MRPL58: variants seen among roughly 807,000 people sequenced by gnomAD.
MRPL58 encodes the protein large ribosomal subunit protein mL62.
A neutral mutation model predicts 26.0 loss-of-function variants in MRPL58; 17 were observed. The ratio of observed to expected loss-of-function variants is 0.65; its 90% confidence interval spans 0.45 to 0.98. The LOEUF is 0.98. MRPL58 is among the 50% of genes least tolerant of loss of function. The pLI is 0.00. For synonymous variants in MRPL58, 100 were observed against 99.7 expected, an observed-to-expected ratio of 1.00 and a Z score of -0.02; for missense variants, 250 against 269.0, an observed-to-expected ratio of 0.93 and a Z score of 0.49.
chr17:75,021,078 AAGG>A lies in MRPL58; in HGVS notation c.*76_*78del. The A allele has an allele frequency of 3.2e-6, 3 of 938,352 alleles. No homozygotes were observed. Among genetic ancestry groups the A allele is most frequent in the South Asian group, 2.6e-5 (2 of 76,130 alleles). 58.1% of individuals were successfully genotyped at this position (938,352 alleles called of 1,614,324 possible). On this transcript the variant is annotated 3_prime_UTR_variant, in exon 6 of 6. Coordinates refer to ENST00000301585, the MANE Select transcript of MRPL58 (RefSeq NM_001545.3). ...GCAGCTGAGAGGACTTTCACACCAT[AAGG>A]AGATTTCTGTTTTTCTTTTTGGCTG...
At chr17:75,017,273 G>A (rs979824743) in intron 2 of MRPL58, among the ~76,000 whole-genome samples, 159 bp downstream of exon 2, 2 of 148,346 alleles carry the variant, frequency 1.3e-5, no homozygotes, top group African/African-American at 5.0e-5. Context: ...CCTGGGCAAC[G>A]AGAGCAAAAC....
At chr17:75,019,468 A>AT (rs148900571) in intron 2 of MRPL58, among the ~76,000 whole-genome samples, 2,013 of 152,180 alleles carry the variant, frequency 0.013, 40 homozygotes, top group African/African-American at 0.046. Flanking sequence ...ATTTAATTTG[A>AT]TTTTTCCAAA....
intron 2 of MRPL58, 94 bp from the exon 3 acceptor site, chr17:75,019,606 A>G: frequency 2.4e-6 from 3 of 1,249,200 alleles, no homozygotes; most frequent in South Asian, 1.3e-5. Context: ...TTTTCCCAAT[A>G]TAATACCTTC....
chr17:75,020,905 GTC>G lies in MRPL58; in HGVS notation c.537-14_537-13del. On this transcript the variant is annotated splice_polypyrimidine_tract_variant and intron_variant, in intron 5 of 5. Transcript: ENST00000301585. ...GATTGGGCATCTGGGGCTAATTGCA[GTC>G]TTTTTGTTTTCAGGATAGAAAACAT... is the stretch of plus-strand genomic sequence containing the variant. The G allele has an allele frequency of 6.2e-7, 1 of 1,604,022 alleles. No individual in the cohort carries two copies. Among genetic ancestry groups the G allele is most frequent in the Non-Finnish European group, 8.5e-7 (1 of 1,170,784 alleles).
Position 75,012,773 on chromosome 17 carries a change from G to A in MRPL58, c.87G>A (p.Ala29=), listed in dbSNP as rs754708717. Residue 29 remains alanine (A), a synonymous_variant, in exon 1 of 6, where the codon GCG becomes GCA. Transcript: ENST00000301585. ...LPPPARCPRR[A]LHKQKDGTEF... ...CGCCCGCACGGTGCCCACGCCGGGC[G>A]CTGCACAAGCAGAAAGACGGCACTG... is the stretch of plus-strand genomic sequence containing the variant. 4.4e-6 allele frequency: 7 copies of A among 1,602,548 alleles called. No individual in the cohort carries two copies. Among genetic ancestry groups the A allele is most frequent in the African/African-American group, 1.3e-5 (1 of 74,470 alleles).
chr17:75,019,657 T>G, intron 2 of MRPL58, 43 bp from the exon 3 acceptor site: 181 of 1,563,218 alleles, frequency 1.2e-4, no homozygotes, highest in Non-Finnish European at 1.5e-4. Context: ...TTTCATGCCA[T>G]GAGGTAATCA....
chr17:75,014,252 C>G (rs2039956660), intron 1 of MRPL58, among the ~76,000 whole-genome samples: 1 of 128,238 alleles, frequency 7.8e-6, no homozygotes, highest in African/African-American at 3.0e-5. Flanking sequence ...GTGATGCAAT[C>G]TCTGTTCACT....
Position 75,012,686 on chromosome 17 carries a change from C to T in MRPL58, c.-1C>T, listed in dbSNP as rs937475233. 1 of 1,547,114 alleles carries T rather than the reference C, an allele frequency of 6.5e-7. No homozygotes were observed. Among genetic ancestry groups the T allele is most frequent in the South Asian group, 1.2e-5 (1 of 84,382 alleles). On this transcript the variant is annotated 5_prime_UTR_variant, in exon 1 of 6. Coordinates refer to ENST00000301585, the MANE Select transcript of MRPL58 (RefSeq NM_001545.3). ...GCCGGAAGCAGTCGCAAGACCTGAG[C>T]ATGGCGGCCACCAGGTGCCTGCGCT... is the stretch of plus-strand genomic sequence containing the variant.
Position 75,019,723 on chromosome 17 carries a change from C to A in MRPL58, c.247C>A (p.Arg83=), listed in dbSNP as rs376441798. The change falls in exon 3 of 6, where the codon CGG becomes AGG. Residue 83 remains arginine (R), a synonymous_variant. Transcript: ENST00000301585. The part of the protein sequence containing the change: ...PLDRLTISYC[R]SSGPGGQNVN... ...AGATCGCTTGACAATATCTTATTGT[C>A]GGAGTAGTGGTCCTGGGGGGCAGAA... 6.2e-7 allele frequency: 1 copy of A among 1,611,940 alleles called. No homozygotes were observed. Among genetic ancestry groups the A allele is most frequent in the Non-Finnish European group, 8.5e-7 (1 of 1,178,476 alleles).
intron 2 of MRPL58, among the ~76,000 whole-genome samples, chr17:75,017,604 C>T (rs969870877): frequency 2.4e-4 from 37 of 151,874 alleles, no homozygotes; most frequent in South Asian, 4.2e-4. Flanking sequence ...CAAAATTAGC[C>T]GGGTGTGGTG....
chr17:75,019,645 C>T (rs768971503), intron 2 of MRPL58, 55 bp from the exon 3 acceptor site: 5 of 1,527,430 alleles, frequency 3.3e-6, no homozygotes, highest in Non-Finnish European at 4.5e-6. Context: ...AACAAGACTG[C>T]TTTTCATGCC....
In MRPL58 at chr17:75,015,300, A is replaced by G. The variant is rs540327450; in HGVS notation, c.187-1778A>G. Among the ~76,000 whole-genome samples the G allele has an allele frequency of 3.3e-5, 5 of 152,320 alleles. No homozygotes were observed. In the East Asian group the frequency reaches 7.7e-4, roughly 23 times the overall value. ...GGAGTTCGAGACCAGCCTGGCCAAC[A>G]TGGCAAAACCCCGTCTCTACTAAAA... On this transcript the variant is annotated intron_variant, in intron 1 of 5. Transcript: ENST00000301585.
At chr17:75,014,123 T>G (rs922839883) in intron 1 of MRPL58, among the ~76,000 whole-genome samples, 6 of 151,816 alleles carry the variant, frequency 4.0e-5, no homozygotes, top group African/African-American at 1.5e-4. Context: ...CCTGCAAGAT[T>G]TGCTAATTGA....
At chr17:75,019,566 T>G (rs1258978249) in intron 2 of MRPL58, 134 bp from the exon 3 acceptor site, 2 of 783,840 alleles carry the variant, frequency 2.6e-6, no homozygotes, top group Admixed American at 4.2e-5. Context: ...CACAGTTCCT[T>G]GCCACCCAAA....
Position 75,019,734 on chromosome 17 carries a change from T to TC in MRPL58, c.260dup (p.Gly88TrpfsTer37), listed in dbSNP as rs751944290. The TC allele has an allele frequency of 8.1e-6, 13 of 1,609,290 alleles. No individual in the cohort carries two copies. The highest frequency in any genetic ancestry group is 1.7e-4 in the Middle Eastern group (1 of 6,038). ...CAATATCTTATTGTCGGAGTAGTGG[T>TC]CCTGGGGGGCAGAATGTGAACAAAG... On this transcript the variant is annotated frameshift_variant, in exon 3 of 6. Transcript: ENST00000301585. LOFTEE classifies it high-confidence loss of function.
At chr17:75,017,875 G>C (rs542196231) in intron 2 of MRPL58, among the ~76,000 whole-genome samples, 1 of 151,916 alleles carries the variant, frequency 6.6e-6, no homozygotes, top group African/African-American at 2.4e-5. Context: ...GGTGAGTTGA[G>C]ATCGCACCAC....
intron 2 of MRPL58, chr17:75,018,750 G>T (rs2039993561): frequency 6.6e-6 from 1 of 151,966 alleles, no homozygotes; most frequent in Non-Finnish European, 1.5e-5. Context: ...CATAAGCAAG[G>T]CCTAACAGTT....
chr17:75,020,561 T>C lies in MRPL58; in HGVS notation c.440T>C (p.Leu147Pro). The change falls in exon 5 of 6, where the codon CTG becomes CCG. Residue 147 changes from leucine to proline, a missense_variant. Transcript: ENST00000301585. ...SESSRYQFRNLADCLQKIRDM... is the reference protein window; with the variant it reads ...SESSRYQFRNPADCLQKIRDM... ...AGCAGCCGCTATCAGTTCCGGAATCTGGCAGATTGCCTGCAGAAAATTCGA... is the reference window on the plus strand; with the variant it reads ...AGCAGCCGCTATCAGTTCCGGAATCCGGCAGATTGCCTGCAGAAAATTCGA... 6.2e-7 allele frequency: 1 copy of C among 1,614,100 alleles called. No individual in the cohort carries two copies. The highest frequency in any genetic ancestry group is 1.1e-5 in the South Asian group (1 of 91,088).
rs2040009546 is a variant in MRPL58, at chr17:75,020,597, C to A, written c.476C>A (p.Thr159Asn). 38 of 1,614,050 alleles carry A rather than the reference C, an allele frequency of 2.4e-5. No individual in the cohort carries two copies. The highest frequency in any genetic ancestry group is 1.6e-4 in the Middle Eastern group (1 of 6,084). ...DCLQKIRDMI[T>N]EASQTPKEPT... is the part of the protein sequence containing the mutation. ...CTGCAGAAAATTCGAGACATGATCA[C>A]TGAGGCCAGCCAGACACCGAAGGAG... Residue 159 changes from threonine (T) to asparagine (N), a missense_variant, in exon 5 of 6, where the codon ACT becomes AAT. Transcript: ENST00000301585.
Sources: allele counts gnomAD v4.1 joint callset (sites outside exome capture counted in the v4.1 genomes callset), GRCh38; gene constraint gnomAD v4.1.1; transcripts MANE v1.5; gene names NCBI Gene and HGNC (gene_info 2026-07-23, HGNC 2026-07-21).